Variants in GPALPP1 observed in about 807,000 individuals in gnomAD.
GPALPP1 encodes the protein GPALPP motifs containing 1.
A neutral mutation model predicts 38.9 loss-of-function variants in GPALPP1; 30 were observed. The observed-to-expected ratio is 0.77, with a 90% CI of 0.58 to 1.05. The LOEUF is 1.05. Among genes scored for constraint, GPALPP1 ranks in the 50% least tolerant of loss-of-function variants. GPALPP1 has a pLI of 0.00. For synonymous variants in GPALPP1, 120 were observed against 139.2 expected, an observed-to-expected ratio of 0.86 and a Z score of 0.97; for missense variants, 384 against 408.8, an observed-to-expected ratio of 0.94 and a Z score of 0.52.
chr13:45,021,527 A>G (rs1243135097), intron 7 of GPALPP1, among the ~76,000 whole-genome samples: 3 of 152,106 alleles, frequency 2.0e-5, no homozygotes, highest in East Asian at 3.8e-4. Context: ...GCTCATGTCT[A>G]TAATCCCAGC....
At chr13:44,990,945 CCGGGCGTGGTGG>C (rs1422724996) in intron 1 of GPALPP1, among the ~76,000 whole-genome samples, 3 of 152,056 alleles carry the variant, frequency 2.0e-5, no homozygotes, top group Non-Finnish European at 4.4e-5. Flanking sequence ...CAAAAATTAG[CCGGGCGTGGTGG>C]CGGGCGCCTG....
At chr13:44,996,885 A>G (rs1229859601) in intron 1 of GPALPP1, among the ~76,000 whole-genome samples, 1 of 146,096 alleles carries the variant, frequency 6.8e-6, no homozygotes. Context: ...TGTACAGTTC[A>G]GTGGCATTAA....
chr13:45,019,113 A>G (rs1875191472), intron 6 of GPALPP1, among the ~76,000 whole-genome samples: 1 of 142,456 alleles, frequency 7.0e-6, no homozygotes, highest in African/African-American at 2.6e-5. Flanking sequence ...ATATATTTAT[A>G]TGTATATATA....
At chr13:45,018,772 A>G (rs1037829318) in intron 6 of GPALPP1, among the ~76,000 whole-genome samples, 3 of 151,656 alleles carry the variant, frequency 2.0e-5, no homozygotes, top group African/African-American at 7.3e-5. Context: ...CATATGCTCT[A>G]GAATATTCCT....
chr13:45,027,658 C>T, intron 7 of GPALPP1, 127 bp from the exon 8 acceptor site: 2 of 494,546 alleles, frequency 4.0e-6, no homozygotes, highest in South Asian at 3.7e-5. Context: ...AAAAAAAAAA[C>T]TACTGGGGTT....
chr13:45,018,329 A>G (rs964796261), intron 6 of GPALPP1, among the ~76,000 whole-genome samples: 4 of 151,910 alleles, frequency 2.6e-5, no homozygotes, highest in Non-Finnish European at 5.9e-5. Context: ...CCCAGGAGGC[A>G]GAGCTTGCAG....
chr13:45,014,435 G>A (rs546683339), intron 4 of GPALPP1, among the ~76,000 whole-genome samples: 63 of 152,144 alleles, frequency 4.1e-4, no homozygotes, highest in Admixed American at 1.3e-3. Flanking sequence ...CTTGATCTTG[G>A]AATGTTTCAT....
intron 6 of GPALPP1, among the ~76,000 whole-genome samples, chr13:45,019,842 C>T (rs564752081): frequency 6.8e-6 from 1 of 147,222 alleles, no homozygotes; most frequent in African/African-American, 2.5e-5. Context: ...CAGACTAGAG[C>T]AGTAACTGAT....
intron 4 of GPALPP1, among the ~76,000 whole-genome samples, chr13:45,011,154 G>A (rs1429477927): frequency 6.6e-6 from 1 of 151,954 alleles, no homozygotes; most frequent in Non-Finnish European, 1.5e-5. Context: ...TGAAAGTTAG[G>A]GTTAAAGAAG....
chr13:45,002,402 A>G (rs569834946), intron 1 of GPALPP1: 1 of 152,384 alleles, frequency 6.6e-6, no homozygotes, highest in Admixed American at 6.5e-5. Context: ...CACCTGTGAA[A>G]AGCCACTGCA....
At chr13:45,014,912 G>C (rs572040983) in intron 4 of GPALPP1, 40 bp from the exon 5 acceptor site, 1 of 1,476,328 alleles carries the variant, frequency 6.8e-7, no homozygotes, top group Non-Finnish European at 9.1e-7. Flanking sequence ...ATAACCTGTA[G>C]CTCTGCTCTT....
chr13:44,989,954 G>A (rs1872662443), intron 1 of GPALPP1: 4 of 594,262 alleles, frequency 6.7e-6, no homozygotes, highest in Admixed American at 6.0e-5. Context: ...GTTTGGCTTC[G>A]TGATGATAAT....
chr13:45,005,001 G>A (rs1873970067), intron 2 of GPALPP1: 1 of 149,924 alleles, frequency 6.7e-6, no homozygotes, highest in South Asian at 2.2e-4. Flanking sequence ...TCATTGAAGT[G>A]CCAAAATAGG....
In GPALPP1 at chr13:44,989,629, T is replaced by C. The variant is rs776448995; in HGVS notation, c.-26T>C. 1 of 1,597,480 alleles carries C rather than the reference T, an allele frequency of 6.3e-7. No individual in the cohort carries two copies. The highest frequency in any genetic ancestry group is 8.6e-7 in the Non-Finnish European group (1 of 1,165,866). ...GTTGACGTTCGTGGATAGACTCATA[T>C]CTGTGACCAGTGTCCGCCACCGCGG... On this transcript the variant is annotated 5_prime_UTR_variant, in exon 1 of 8. Transcript: ENST00000379151.
At chr13:45,025,384 C>T (rs963470661) in intron 7 of GPALPP1, among the ~76,000 whole-genome samples, 5 of 151,828 alleles carry the variant, frequency 3.3e-5, no homozygotes, top group Non-Finnish European at 5.9e-5. Flanking sequence ...ATTTTTTTTC[C>T]ACATTGATCT....
rs1876070601 is a variant in GPALPP1 at position 45,029,373 on chromosome 13, CTT to C, written c.*1373_*1374del. On this transcript the variant is annotated 3_prime_UTR_variant, in exon 8 of 8. Coordinates refer to ENST00000379151, the MANE Select transcript of GPALPP1 (RefSeq NM_018559.5). ...ACAAATTTACCTTGTTCTGTATGTC[CTT>C]TTAAGGTCATGTGGAAACATAAAAC... is the stretch of plus-strand genomic sequence containing the variant. The C allele has an allele frequency of 6.6e-6, 1 of 152,064 alleles. No individual in the cohort carries two copies. Among genetic ancestry groups the C allele is most frequent in the Admixed American group, 6.5e-5 (1 of 15,270 alleles). 9.4% of individuals were successfully genotyped at this position (152,064 alleles called of 1,614,324 possible).
intron 1 of GPALPP1, among the ~76,000 whole-genome samples, chr13:44,992,383 G>C (rs771619512): frequency 3.3e-5 from 5 of 152,130 alleles, no homozygotes; most frequent in Non-Finnish European, 7.4e-5. Context: ...TCATTTTCCA[G>C]ATAGGTGTAT....
At chr13:45,013,367 T>C (rs77021228) in intron 4 of GPALPP1, among the ~76,000 whole-genome samples, 2,632 of 152,266 alleles carry the variant, frequency 0.017, 76 homozygotes, top group East Asian at 0.085. Context: ...AGAAGAGGAA[T>C]GGTCCTTTCC....
At chr13:45,025,994 TC>T (rs36047676) in intron 7 of GPALPP1, among the ~76,000 whole-genome samples, 7,468 of 152,168 alleles carry the variant, frequency 0.049, 271 homozygotes, top group East Asian at 0.12. Context: ...GGTCTCGAAC[TC>T]CCGACCTCAG....
Sources: gnomAD v4.1 joint callset for allele counts (sites outside exome capture counted in the v4.1 genomes callset) on GRCh38, gnomAD v4.1.1 for gene constraint, MANE v1.5 for transcripts, NCBI Gene and HGNC (gene_info 2026-07-23, HGNC 2026-07-21) for gene names.